Variants in MAP4 observed in about 807,000 individuals in gnomAD.
MAP4 encodes microtubule associated protein 4.
Under a neutral mutation model 170.2 loss-of-function variants are expected in MAP4, and 76 were observed. The ratio of observed to expected loss-of-function variants is 0.45; its 90% CI spans 0.37 to 0.54. The LOEUF (loss-of-function observed/expected upper bound fraction) is 0.54. Among genes scored for constraint, MAP4 ranks in the 20% least tolerant of loss-of-function variants. MAP4 has a pLI of 0.00. For missense variants in MAP4, 2,506 were observed against 2,748.0 expected (o/e 0.91, Z 1.97); for synonymous variants, 909 against 994.5 (o/e 0.91, Z 1.62).
chr3:47,879,144 T>C (rs1270402996), intron 10 of MAP4, among the ~76,000 whole-genome samples: 1 of 152,104 alleles, frequency 6.6e-6, no homozygotes, highest in Non-Finnish European at 1.5e-5. Flanking sequence ...AGAAAACTGG[T>C]TATTATGGTA....
chr3:47,858,633 T>C (rs1466462879), intron 17 of MAP4, among the ~76,000 whole-genome samples: 3 of 150,974 alleles, frequency 2.0e-5, no homozygotes, highest in Admixed American at 6.6e-5. Flanking sequence ...TGTGTGTGTG[T>C]GTGTGTGTGT....
intron 1 of MAP4, among the ~76,000 whole-genome samples, chr3:48,053,639 G>A (rs60926075): frequency 6.6e-6 from 1 of 152,042 alleles, no homozygotes; most frequent in African/African-American, 2.4e-5. Flanking sequence ...TAGTATATAA[G>A]TGATGTCTGA....
chr3:47,990,862 G>A (rs990845630), intron 2 of MAP4, among the ~76,000 whole-genome samples: 10 of 151,830 alleles, frequency 6.6e-5, no homozygotes, highest in Non-Finnish European at 8.8e-5. Flanking sequence ...TATTACAGCC[G>A]TGGTGCAAAA....
chr3:47,978,390 T>C (rs2100083434), intron 2 of MAP4, among the ~76,000 whole-genome samples: 1 of 152,204 alleles, frequency 6.6e-6, no homozygotes, highest in African/African-American at 2.4e-5. Flanking sequence ...CAACCTCGGC[T>C]CACTGCAACC....
chr3:47,915,972 G>A lies in MAP4; in HGVS notation c.1855C>T (p.Pro619Ser), dbSNP rs769517463. Residue 619 changes from proline to serine, a missense_variant, in exon 7 of 21, where the codon CCT (proline) becomes TCT (serine). By Grantham distance (74) the Pro-to-Ser change is moderately conservative. Coordinates refer to ENST00000683076, the MANE Select transcript of MAP4 (RefSeq NM_001385682.1). ...SLQDVGQSAA[P>S]TFMISPETVT... ...GTACCTGGTGAAATCATGAAAGTAG[G>A]TGCAGCTGACTGCCCCACATCCTGC... 7 of 1,612,602 alleles carry A rather than the reference G, an allele frequency of 4.3e-6. No individual in the cohort carries two copies. The Admixed American group carries it at 5.0e-5, about 12-fold the overall frequency.
intron 2 of MAP4, 83 bp from the exon 3 acceptor site, chr3:47,978,016 T>C: frequency 4.5e-6 from 4 of 880,490 alleles, no homozygotes; most frequent in South Asian, 4.1e-5. Flanking sequence ...TAATGGAGTT[T>C]TTCTCACTCT....
intron 2 of MAP4, among the ~76,000 whole-genome samples, chr3:47,996,737 G>GAC (rs57673370): frequency 0.015 from 2,244 of 146,508 alleles, 26 homozygotes; most frequent in South Asian, 0.038. Context: ...CAAAAACTAA[G>GAC]ACACACACAC....
chr3:47,885,965 T>C (rs2097531565), intron 10 of MAP4, among the ~76,000 whole-genome samples: 1 of 152,324 alleles, frequency 6.6e-6, no homozygotes, highest in Admixed American at 6.5e-5. Flanking sequence ...CCTGACCTCA[T>C]GATCCGCCCG....
In MAP4 at chr3:47,911,245, C is replaced by T; in HGVS notation, c.3176G>A (p.Gly1059Asp). The change falls in exon 9 of 21, where the codon GGC (glycine) becomes GAC (aspartate). Residue 1059 changes from glycine to aspartate, a missense_variant. Coordinates refer to ENST00000683076, the MANE Select transcript of MAP4 (RefSeq NM_001385682.1). This position sits in a 1 kb window ranked among gnomAD's most constrained non-coding sequence, Gnocchi z 4.0. ...ACTTCCCCTTCCCTTCCTGCTTTTG[C>T]CATCACCTGCCATTCTCTTAAATGG... ...NEPFKRMAGD[G>D]KSRKGRGSSG... 2 of 1,536,134 alleles carry T rather than the reference C, an allele frequency of 1.3e-6. No homozygotes were observed. The highest frequency in any genetic ancestry group is 2.7e-5 in the African/African-American group (2 of 73,148).
At chr3:48,062,912 T>A in intron 1 of MAP4, among the ~76,000 whole-genome samples, 1 of 143,498 alleles carries the variant, frequency 7.0e-6, no homozygotes. Context: ...GCAACAAGAG[T>A]GAAACTCTGT....
upstream of MAP4, among the ~76,000 whole-genome samples, chr3:48,018,481 G>A (rs915876089): frequency 5.3e-5 from 8 of 152,126 alleles, no homozygotes; most frequent in East Asian, 1.5e-3. Context: ...CAGATTCAAG[G>A]CTGAAAGGTT....
Position 48,053,340 on chromosome 3 carries a change from C to A in MAP4, c.-20+35433G>T, listed in dbSNP as rs9821528. On this transcript the variant is annotated intron_variant, in intron 1 of 18. Transcript: ENST00000360240. ...CTGGTTTCTGTTTTGCAAGTTCCAG[C>A]AGAAAACTAATGCTAGGGTTCATTG... Among the ~76,000 whole-genome samples the A allele has an allele frequency of 9.4e-3, 1,306 of 138,582 alleles. 18 individuals are homozygous for A. Among genetic ancestry groups the A allele is most frequent in the South Asian group, 0.037 (158 of 4,264 alleles). The allele number at this position is 138,582 out of a possible 152,430, so 90.9% of individuals were successfully genotyped here. A position where few individuals can be genotyped will look rare whatever the true frequency, so the allele number is the denominator to read the frequency against.
At chr3:48,010,772 C>T (rs555220088) in intron 1 of MAP4, among the ~76,000 whole-genome samples, 1 of 152,154 alleles carries the variant, frequency 6.6e-6, no homozygotes, top group South Asian at 2.1e-4. Context: ...TCTAATCAGC[C>T]ACCAGCGAAT....
chr3:47,888,543 C>T lies in MAP4; in HGVS notation c.5435-11020G>A, dbSNP rs1318156937. Among the ~76,000 whole-genome samples, 3 of 152,058 alleles carry T rather than the reference C, an allele frequency of 2.0e-5. No individual in the cohort carries two copies. The East Asian group carries it at 5.8e-4, about 29-fold the overall frequency. ...ACTCCTGAGCCAGCAAGACCACGAA[C>T]CCACCAGAAGGAAGAAACTCCGAAC... is the stretch of plus-strand genomic sequence containing the variant. On this transcript the variant is annotated intron_variant, in intron 10 of 20. Transcript: ENST00000683076.
At chr3:47,976,312 G>T (rs2100082138) in intron 3 of MAP4, among the ~76,000 whole-genome samples, 1 of 152,142 alleles carries the variant, frequency 6.6e-6, no homozygotes, top group African/African-American at 2.4e-5. Context: ...GTACTACTAA[G>T]GCCTGGCAGC....
intron 3 of MAP4, among the ~76,000 whole-genome samples, chr3:47,947,143 C>A (rs546149064): frequency 1.3e-5 from 2 of 152,266 alleles, no homozygotes; most frequent in African/African-American, 4.8e-5. Flanking sequence ...TTATTAGAAT[C>A]CTAAAACATT....
intron 3 of MAP4, among the ~76,000 whole-genome samples, chr3:47,949,465 CA>C (rs60076214): frequency 0.26 from 18,519 of 71,360 alleles, 576 homozygotes; most frequent in South Asian, 0.34. Flanking sequence ...GACTGCGTCC[CA>C]AAAAAAAAAA....
chr3:47,990,440 G>A (rs2100091481), intron 2 of MAP4, among the ~76,000 whole-genome samples: 1 of 152,154 alleles, frequency 6.6e-6, no homozygotes, highest in Non-Finnish European at 1.5e-5. Context: ...GTGAGACCTT[G>A]TCTTTACTAA....
intron 10 of MAP4, among the ~76,000 whole-genome samples, chr3:47,900,086 G>A (rs1287571903): frequency 6.6e-6 from 1 of 152,146 alleles, no homozygotes; most frequent in Admixed American, 6.5e-5. Flanking sequence ...TTGACCAACT[G>A]TTCCCAGTTA....
Sources: allele counts gnomAD v4.1 joint callset (sites outside exome capture counted in the v4.1 genomes callset), GRCh38; gene constraint gnomAD v4.1.1; non-coding constraint Gnocchi (gnomAD v3.1); transcripts MANE v1.5; gene names NCBI Gene and HGNC (gene_info 2026-07-23, HGNC 2026-07-21).